Variants in EXOG observed in about 807,000 individuals in gnomAD.
EXOG encodes the protein exo/endonuclease G.
EXOG carries 27 observed loss-of-function variants against 25.8 expected under a neutral mutation model. That is an observed-to-expected ratio of 1.05 (90% confidence interval 0.77 to 1.45). The LOEUF (loss-of-function observed/expected upper bound fraction) is 1.45, where lower values mean the gene tolerates loss of function less well. EXOG is among the 40% of genes most tolerant of loss of function. The probability of loss-of-function intolerance (pLI) is 0.00; values close to 1 mark genes in which losing one functional copy is unlikely to be tolerated. For missense variants in EXOG, 458 were observed against 450.5 expected, an observed-to-expected ratio of 1.02 and a Z score of -0.15; for synonymous variants, 133 against 167.0, an observed-to-expected ratio of 0.80 and a Z score of 1.57.
chr3:38,504,700 C>T (rs1403235259), intron 4 of EXOG, among the ~76,000 whole-genome samples: 1 of 152,110 alleles, frequency 6.6e-6, no homozygotes, highest in Non-Finnish European at 1.5e-5. Context: ...TCCCAAAGTG[C>T]TGGGATTACA....
rs1313168955 is a variant in EXOG, at chr3:38,496,468, C to G, written c.101C>G (p.Ala34Gly). ...AVVGAAGAGL[A>G]ALQFFRSQGA... is the part of the protein sequence containing the mutation. ...GTGGGCGCTGCGGGAGCTGGGCTCG[C>G]GGCCCTGCAGTTCTTCCGGAGTCAG... Residue 34 changes from alanine (A) to glycine (G), a missense_variant, in exon 1 of 6, where the codon GCG becomes GGG. Physicochemically the swap from Ala to Gly is moderately conservative, Grantham distance 60 (BLOSUM62 0). Coordinates refer to ENST00000287675, the MANE Select transcript of EXOG (RefSeq NM_005107.4). The G allele has an allele frequency of 6.2e-7, 1 of 1,613,870 alleles. No individual in the cohort carries two copies. Among genetic ancestry groups the G allele is most frequent in the East Asian group, 2.2e-5 (1 of 44,892 alleles).
rs987231293 is a variant in EXOG at position 38,502,681 on chromosome 3, G to A, written c.454-934G>A. Among the ~76,000 whole-genome samples, 70 of 152,050 alleles carry A rather than the reference G, an allele frequency of 4.6e-4. 2 individuals carry two copies. The highest frequency in any genetic ancestry group is 1.8e-4 in the Non-Finnish European group (12 of 68,010). ...GCAGTAATATTATCTAAAATACAAT[G>A]TATAGTCAGCTTTCCCACATGGTCC... On this transcript the variant is annotated intron_variant, in intron 3 of 5. Coordinates refer to ENST00000287675, the MANE Select transcript of EXOG (RefSeq NM_005107.4).
At chr3:38,515,462 TC>T in intron 5 of EXOG, 1 of 162,368 alleles carries the variant, frequency 6.2e-6, no homozygotes. Context: ...GTTATGACCA[TC>T]CCCTTCTTGC....
chr3:38,507,379 A>G (rs145467691), intron 5 of EXOG, among the ~76,000 whole-genome samples: 1 of 152,344 alleles, frequency 6.6e-6, no homozygotes, highest in East Asian at 1.9e-4. Flanking sequence ...GACCCTGAGG[A>G]TTCCAGAGGA....
chr3:38,513,797 T>A (rs1455983449), intron 5 of EXOG: 1 of 152,178 alleles, frequency 6.6e-6, no homozygotes, highest in Non-Finnish European at 1.5e-5. Context: ...TCTGGGTGCT[T>A]CTGATACAGC....
intron 2 of EXOG, among the ~76,000 whole-genome samples, chr3:38,500,676 T>A (rs2060019535): frequency 6.6e-6 from 1 of 152,232 alleles, no homozygotes; most frequent in African/African-American, 2.4e-5. Flanking sequence ...CACCTCACGA[T>A]AGTGCAATAG....
intron 5 of EXOG, among the ~76,000 whole-genome samples, chr3:38,522,047 G>T (rs2060732023): frequency 6.6e-6 from 1 of 152,186 alleles, no homozygotes; most frequent in African/African-American, 2.4e-5. Flanking sequence ...GTGAAATGGG[G>T]ATTTTATGTT....
chr3:38,500,277 T>A (rs970369236), intron 2 of EXOG: 5 of 152,454 alleles, frequency 3.3e-5, no homozygotes, highest in Non-Finnish European at 7.3e-5. Flanking sequence ...CCACTGGGAA[T>A]ACTGCTAGAC....
Position 38,525,259 on chromosome 3 carries a change from C to T in EXOG, c.*897C>T. The T allele has an allele frequency of 1.0e-6, 1 of 985,240 alleles. No homozygotes were observed. The highest frequency in any genetic ancestry group is 1.2e-6 in the Non-Finnish European group (1 of 829,780). 61.0% of individuals were successfully genotyped at this position (985,240 alleles called of 1,614,324 possible). A position where few individuals can be genotyped will look rare whatever the true frequency, so the allele number is the denominator to read the frequency against. On this transcript the variant is annotated 3_prime_UTR_variant, in exon 6 of 6. Transcript: ENST00000287675. ...GTTTCACTTTTCCAAAGTAGTCATC[C>T]ACAAAGTATGAGGCAGACAGATCTA...
chr3:38,512,340 T>TAC (rs2060396193), intron 5 of EXOG, among the ~76,000 whole-genome samples: 1 of 152,182 alleles, frequency 6.6e-6, no homozygotes, highest in Non-Finnish European at 1.5e-5. Context: ...ATTCAAACAG[T>TAC]ACAAAGCAGC....
rs749775404 is a variant in EXOG at position 38,506,981 on chromosome 3, A to G, written c.645+13A>G. The G allele has an allele frequency of 9.2e-6, 10 of 1,086,184 alleles. No homozygotes were observed. The highest frequency in any genetic ancestry group is 1.1e-5 in the Non-Finnish European group (8 of 701,862). 67.3% of individuals were successfully genotyped at this position (1,086,184 alleles called of 1,614,324 possible). On this transcript the variant is annotated intron_variant, in intron 5 of 5. Coordinates refer to ENST00000287675, the MANE Select transcript of EXOG (RefSeq NM_005107.4). ...AGTTAGTTACCAGGTAAGGATGTTT[A>G]ATAGTCAGGTTTATGTTATCTGTAT...
In EXOG at chr3:38,525,223, G is replaced by A; in HGVS notation, c.*861G>A. The A allele has an allele frequency of 6.1e-6, 6 of 981,664 alleles. No individual in the cohort carries two copies. The highest frequency in any genetic ancestry group is 7.3e-6 in the Non-Finnish European group (6 of 826,580). 60.8% of individuals were successfully genotyped at this position (981,664 alleles called of 1,614,324 possible). A position where few individuals can be genotyped will look rare whatever the true frequency, so the allele number is the denominator to read the frequency against. ...AAAATTGAGGCTTAGAGAGCTTAGTGTCTTACCTGAGTTTCACTTTTCCAA... is the reference window on the plus strand; with the variant it reads ...AAAATTGAGGCTTAGAGAGCTTAGTATCTTACCTGAGTTTCACTTTTCCAA... On this transcript the variant is annotated 3_prime_UTR_variant, in exon 6 of 6. Transcript: ENST00000287675.
chr3:38,521,326 GT>G (rs2060709139), intron 5 of EXOG, among the ~76,000 whole-genome samples: 1 of 152,152 alleles, frequency 6.6e-6, no homozygotes, highest in Non-Finnish European at 1.5e-5. Flanking sequence ...TAGAATCGAG[GT>G]CCTTTAGCAA....
chr3:38,499,750 A>G (rs1300587899), intron 2 of EXOG: 3 of 433,024 alleles, frequency 6.9e-6, no homozygotes, highest in Non-Finnish European at 1.4e-5. Flanking sequence ...GATTACAGGT[A>G]TGTGCCACTA....
chr3:38,516,141 C>G (rs1373851505), intron 5 of EXOG, among the ~76,000 whole-genome samples: 1 of 152,040 alleles, frequency 6.6e-6, no homozygotes, highest in Non-Finnish European at 1.5e-5. Flanking sequence ...TTTTTCAGCA[C>G]TTTTATACCT....
In EXOG at chr3:38,503,626, T is replaced by G. The variant is rs746556111; in HGVS notation, c.465T>G (p.Ala155=). 1.3e-6 allele frequency: 2 copies of G among 1,599,070 alleles called. No homozygotes were observed. The highest frequency in any genetic ancestry group is 1.1e-5 in the South Asian group (1 of 90,682). ...TTCTTTCTTTACAGAAAGCCATGGC[T>G]GAAACCTTTTACCTTTCTAACATTG... ...GNNKFSSKAM[A]ETFYLSNIVP... is the part of the protein sequence containing the mutation. Residue 155 remains alanine, a synonymous_variant, in exon 4 of 6, where the codon GCT becomes GCG. Coordinates refer to ENST00000287675, the MANE Select transcript of EXOG (RefSeq NM_005107.4).
intron 5 of EXOG, among the ~76,000 whole-genome samples, chr3:38,514,324 A>G (rs2300670): frequency 0.23 from 35,042 of 152,142 alleles, 4,119 homozygotes; most frequent in East Asian, 0.32. Context: ...CTTGAATAGG[A>G]TGGTGGTGGT....
At chr3:38,511,114 T>A (rs2060356146) in intron 5 of EXOG, among the ~76,000 whole-genome samples, 1 of 152,228 alleles carries the variant, frequency 6.6e-6, no homozygotes, top group Non-Finnish European at 1.5e-5. Flanking sequence ...AATGGCATGC[T>A]CCAAACTTAT....
intron 5 of EXOG, 141 bp from the exon 6 acceptor site, chr3:38,523,760 C>T: frequency 1.8e-6 from 1 of 558,526 alleles, no homozygotes; most frequent in Non-Finnish European, 3.1e-6. Flanking sequence ...TTATTTTTGG[C>T]AGTTGAATTT....
Sources: gnomAD v4.1 joint callset for allele counts (sites outside exome capture counted in the v4.1 genomes callset) on GRCh38, gnomAD v4.1.1 for gene constraint, MANE v1.5 for transcripts, NCBI Gene and HGNC (gene_info 2026-07-23, HGNC 2026-07-21) for gene names.